The following CRYBG2 variants were observed in gnomAD, a reference collection of about 807,000 sequenced individuals.
CRYBG2 encodes beta/gamma crystallin domain-containing protein 2.
In CRYBG2, 106 loss-of-function variants were observed where a neutral mutation model predicts 153.4. The observed-to-expected ratio is 0.69, with a 90% CI of 0.59 to 0.81. CRYBG2 has a LOEUF of 0.81. CRYBG2 is among the 30% of genes least tolerant of loss of function. The probability of loss-of-function intolerance (pLI) is 0.00; values close to 1 mark genes in which losing one functional copy is unlikely to be tolerated. For synonymous variants in CRYBG2, 851 were observed against 877.8 expected (o/e 0.97, Z 0.54); for missense variants, 1,996 against 2,112.0 (o/e 0.95, Z 1.08).
rs2074090402 is a variant in CRYBG2 at position 26,338,495 on chromosome 1, G to C, written c.3345-18C>G. The C allele has an allele frequency of 4.4e-6, 7 of 1,588,426 alleles. No homozygotes were observed. The highest frequency in any genetic ancestry group is 2.7e-5 in the African/African-American group (2 of 74,198). ...GTAGCCACCTAGGGGAAACAGAGAG[G>C]CTGCTGCACCCTAGCAGAGAGACTT... is the stretch of plus-strand genomic sequence containing the variant. On this transcript the variant is annotated intron_variant, in intron 6 of 19. Transcript: ENST00000308182.
In CRYBG2 at chr1:26,336,766, C is replaced by G. The variant is rs930949957; in HGVS notation, c.3912-34G>C. ...AGGGCGGGGCGCGAGTCAGCTGGGA[C>G]GGAGCCTGCACCTCTCCTGGAACCG... On this transcript the variant is annotated intron_variant, in intron 11 of 19. Transcript: ENST00000308182. This position sits in a 1 kb window ranked among gnomAD's most constrained non-coding sequence, Gnocchi z 4.9. 23 of 1,571,396 alleles carry G rather than the reference C, an allele frequency of 1.5e-5. No homozygotes were observed. In the African/African-American group the frequency reaches 2.8e-4, roughly 19 times the overall value.
At chr1:26,348,044 C>T (rs548420103) in intron 1 of CRYBG2, among the ~76,000 whole-genome samples, 1 of 152,344 alleles carries the variant, frequency 6.6e-6, no homozygotes, top group East Asian at 1.9e-4. Flanking sequence ...AGTGATCCTT[C>T]TGCGTTAACT....
At position 26,336,734 on chromosome 1, in the gene CRYBG2, T is replaced by G; in HGVS notation, c.3912-2A>C. 1.3e-6 allele frequency: 2 copies of G among 1,583,802 alleles called. No individual in the cohort carries two copies. The highest frequency in any genetic ancestry group is 1.1e-5 in the South Asian group (1 of 87,082). On this transcript the variant is annotated splice_acceptor_variant, in intron 11 of 19. Transcript: ENST00000308182. LOFTEE classifies it high-confidence loss of function. This position sits in a 1 kb window ranked among gnomAD's most constrained non-coding sequence, Gnocchi z 4.9. Reference sequence around the variant, plus strand: ...CCCACCTCCTGGTAGGCCACCCACCTGCAGGAAGGGCGGGGCGCGAGTCAG... The same window carrying G: ...CCCACCTCCTGGTAGGCCACCCACCGGCAGGAAGGGCGGGGCGCGAGTCAG...
Position 26,345,852 on chromosome 1 carries a change from G to A in CRYBG2, c.806C>T (p.Thr269Ile). Residue 269 changes from threonine to isoleucine, a missense_variant, in exon 2 of 20, where the codon ACA becomes ATA. Physicochemically the swap from Thr to Ile is moderately conservative, Grantham distance 89 (BLOSUM62 -1). Transcript: ENST00000308182. ...GGPRSTGLGS[T>I]VGAALRQLPE... ...CAGCTGCCTCAAGGCTGCCCCCACT[G>A]TGCTGCCCAGACCTGTGCTCCTTGG... 2 of 1,596,866 alleles carry A rather than the reference G, an allele frequency of 1.3e-6. No homozygotes were observed. Among genetic ancestry groups the A allele is most frequent in the Non-Finnish European group, 1.7e-6 (2 of 1,179,284 alleles).
At chr1:26,347,298 T>G (rs1052622471) in intron 1 of CRYBG2, among the ~76,000 whole-genome samples, 70 of 138,730 alleles carry the variant, frequency 5.0e-4, no homozygotes, top group Non-Finnish European at 7.4e-4. Context: ...TTTTTTTTTT[T>G]TTTTTTTTTT....
At chr1:26,349,108 G>T (rs945523658) in intron 1 of CRYBG2, among the ~76,000 whole-genome samples, 1 of 151,994 alleles carries the variant, frequency 6.6e-6, no homozygotes, top group Non-Finnish European at 1.5e-5. Flanking sequence ...GGCGGAGGTT[G>T]CAGTGAGCTG....
chr1:26,337,696 G>A (rs1275830586), intron 8 of CRYBG2, 22 bp from the exon 9 acceptor site: 2 of 1,606,624 alleles, frequency 1.2e-6, no homozygotes, highest in Non-Finnish European at 1.7e-6. Context: ...GGGCTGTCAG[G>A]AGTCATCTGG....
Position 26,345,257 on chromosome 1 carries a change from G to A in CRYBG2, c.1401C>T (p.Pro467=), listed in dbSNP as rs551809456. The A allele has an allele frequency of 2.9e-4, 437 of 1,526,950 alleles. No individual in the cohort carries two copies. The highest frequency in any genetic ancestry group is 2.6e-4 in the Non-Finnish European group (298 of 1,126,898). 94.6% of individuals were successfully genotyped at this position (1,526,950 alleles called of 1,614,324 possible). A position where few individuals can be genotyped will look rare whatever the true frequency, so the allele number is the denominator to read the frequency against. The change falls in exon 2 of 20, where the codon CCC becomes CCT. Residue 467 remains proline (P), a synonymous_variant. Coordinates refer to ENST00000308182, the MANE Select transcript of CRYBG2 (RefSeq NM_001039775.4). ...PFTQREVVKG[P]GAPAASSPTR... ...TGGGAGATGAGGCAGCAGGAGCACC[G>A]GGGCCCTTCACGACCTCCCTCTGGG... is the stretch of plus-strand genomic sequence containing the variant.
In CRYBG2 at chr1:26,344,003, G is replaced by A; in HGVS notation, c.2655C>T (p.Gly885=). 1 of 1,536,322 alleles carries A rather than the reference G, an allele frequency of 6.5e-7. No individual in the cohort carries two copies. Residue 885 remains glycine (G), a synonymous_variant, in exon 2 of 20, where the codon GGC becomes GGT. Transcript: ENST00000308182. ...GTTCCAATCCCAGCTCTGAGTGGGGGCCCTTGGTTCCTGCTACATGCTTCT... is the reference window on the plus strand; with the variant it reads ...GTTCCAATCCCAGCTCTGAGTGGGGACCCTTGGTTCCTGCTACATGCTTCT... The part of the protein sequence containing the change: ...MMKKHVAGTK[G]PHSELGLELQ...
chr1:26,322,263 G>A lies in CRYBG2; in HGVS notation c.4798C>T (p.Leu1600=). ...GPPSPGSKVV[L]WAESRLPRQT... ...CGCGGCAGGCGGCTCTCGGCCCACA[G>A]CACCACCTTGGAGCCTGGGCTAGGG... Residue 1600 remains leucine (L), a synonymous_variant, in exon 19 of 20, where the codon CTG becomes TTG. Coordinates refer to ENST00000308182, the MANE Select transcript of CRYBG2 (RefSeq NM_001039775.4). 1 of 1,614,014 alleles carries A rather than the reference G, an allele frequency of 6.2e-7. No homozygotes were observed. Among genetic ancestry groups the A allele is most frequent in the Non-Finnish European group, 8.5e-7 (1 of 1,180,032 alleles).
Position 26,337,247 on chromosome 1 carries a change from G to T in CRYBG2, c.3771+6C>A, listed in dbSNP as rs1213897089. ...GCAGAGGGATGGGCCAATTGCCTTT[G>T]CTTACCGTCCGGATGACCCGGAGGG... is the stretch of plus-strand genomic sequence containing the variant. On this transcript the variant is annotated splice_donor_region_variant and intron_variant, in intron 10 of 19. Coordinates refer to ENST00000308182, the MANE Select transcript of CRYBG2 (RefSeq NM_001039775.4). The T allele has an allele frequency of 3.1e-6, 5 of 1,613,828 alleles. No homozygotes were observed. The highest frequency in any genetic ancestry group is 4.2e-6 in the Non-Finnish European group (5 of 1,179,906).
chr1:26,328,708 C>A, intron 16 of CRYBG2, 26 bp downstream of exon 16: 2 of 1,602,292 alleles, frequency 1.2e-6, no homozygotes, highest in Non-Finnish European at 1.7e-6. Flanking sequence ...GCAGCCACCG[C>A]ACCCATGCCT....
At position 26,344,268 on chromosome 1, in the gene CRYBG2, T is replaced by C. The variant is rs2074172030; in HGVS notation, c.2390A>G (p.Tyr797Cys). The C allele has an allele frequency of 3.3e-6, 5 of 1,531,502 alleles. No individual in the cohort carries two copies. The highest frequency in any genetic ancestry group is 4.4e-6 in the Non-Finnish European group (5 of 1,143,364). The allele number at this position is 1,531,502 out of a possible 1,614,324, so 94.9% of individuals were successfully genotyped here. The change falls in exon 2 of 20, where the codon TAC becomes TGC. Residue 797 changes from tyrosine to cysteine, a missense_variant. Coordinates refer to ENST00000308182, the MANE Select transcript of CRYBG2 (RefSeq NM_001039775.4). ...RAPRSSYLSM[Y>C]ATLPAIEEDQ... ...CTCCTCAATGGCAGGCAGCGTGGCG[T>C]ACATGGACAGGTAGGAGGAGCGAGG...
chr1:26,341,563 C>T (rs1031710082), intron 5 of CRYBG2, among the ~76,000 whole-genome samples: 7 of 151,802 alleles, frequency 4.6e-5, no homozygotes, highest in Admixed American at 3.9e-4. Context: ...CTCAGCTCAC[C>T]GCAACTTCCG....
chr1:26,344,200 C>A lies in CRYBG2; in HGVS notation c.2458G>T (p.Val820Leu), dbSNP rs1160135406. 2 of 1,535,622 alleles carry A rather than the reference C, an allele frequency of 1.3e-6. No homozygotes were observed. The highest frequency in any genetic ancestry group is 1.7e-6 in the Non-Finnish European group (2 of 1,146,650). The stretch of plus-strand genomic sequence containing the variant: ...TCCTCTTTCTCTTCCAGTGAAGGCA[C>A]CTCCTGGGGTCCGGGGCCCAGCACC... ...PWVLGPGPQE[V>L]PSLEEKEEEE... is the part of the protein sequence containing the mutation. The change falls in exon 2 of 20, where the codon GTG becomes TTG. Residue 820 changes from valine (V) to leucine (L), a missense_variant. Val to Leu is a conservative substitution (Grantham distance 32, BLOSUM62 1). Transcript: ENST00000308182.
Position 26,322,001 on chromosome 1 carries a change from C to T in CRYBG2, c.4953G>A (p.Arg1651=). ...HVVLWEPDED[R]ASQIWTIHVL is the part of the protein sequence containing the mutation. ...CGTGGATAGTCCAGATCTGGGATGC[C>T]CTGTCCTCATCCGGCTCCCATAGCA... is the stretch of plus-strand genomic sequence containing the variant. The change falls in exon 20 of 20, where the codon AGG becomes AGA. Residue 1651 remains arginine, a synonymous_variant. Transcript: ENST00000308182. 6.2e-7 allele frequency: 1 copy of T among 1,604,796 alleles called. No homozygotes were observed. Among genetic ancestry groups the T allele is most frequent in the Non-Finnish European group, 8.5e-7 (1 of 1,172,758 alleles).
Position 26,322,330 on chromosome 1 carries a change from C to A in CRYBG2, c.4738-7G>T. 6.2e-7 allele frequency: 1 copy of A among 1,607,246 alleles called. No homozygotes were observed. Reference sequence around the variant, plus strand: ...GGCTCATGGTGGGGGCCATCTGAGGCCCCAGGAGGTCATCAGGCATTGTTC... The same window carrying A: ...GGCTCATGGTGGGGGCCATCTGAGGACCCAGGAGGTCATCAGGCATTGTTC... On this transcript the variant is annotated splice_polypyrimidine_tract_variant and splice_region_variant and intron_variant, in intron 18 of 19. Transcript: ENST00000308182.
chr1:26,327,925 T>C (rs1460062349), intron 17 of CRYBG2, among the ~76,000 whole-genome samples: 2 of 141,176 alleles, frequency 1.4e-5, no homozygotes, highest in Non-Finnish European at 1.5e-5. Flanking sequence ...CCAGCCTTTG[T>C]GGCAGAGCAA....
rs2074150871 is a variant in CRYBG2 at position 26,343,001 on chromosome 1, C to A, written c.3074+46G>T. 6.5e-7 allele frequency: 1 copy of A among 1,534,308 alleles called. No homozygotes were observed. The highest frequency in any genetic ancestry group is 8.8e-7 in the Non-Finnish European group (1 of 1,136,114). ...GTCACTCCTCACTCCCCTCTGCATC[C>A]CCCCAGGTTCACAGCCAAGTGCCTT... On this transcript the variant is annotated intron_variant, in intron 4 of 19. Coordinates refer to ENST00000308182, the MANE Select transcript of CRYBG2 (RefSeq NM_001039775.4). The surrounding 1 kb of genome is among the most constrained non-coding windows in gnomAD (Gnocchi z 4.1).
Sources: allele counts gnomAD v4.1 joint callset (sites outside exome capture counted in the v4.1 genomes callset), GRCh38; gene constraint gnomAD v4.1.1; non-coding constraint Gnocchi (gnomAD v3.1); transcripts MANE v1.5; gene names NCBI Gene and HGNC (gene_info 2026-07-23, HGNC 2026-07-21).